The following MACROD2 variants were observed in gnomAD, a reference collection of about 807,000 sequenced individuals.
The protein encoded by MACROD2 is ADP-ribose glycohydrolase MACROD2.
In MACROD2, 36 loss-of-function variants were observed where a neutral mutation model predicts 70.4. That is an observed-to-expected ratio of 0.51 (90% CI 0.39 to 0.68). The LOEUF (loss-of-function observed/expected upper bound fraction) is 0.68, where lower values mean the gene tolerates loss of function less well. MACROD2 is among the 30% of genes least tolerant of loss of function. MACROD2 has a pLI of 0.00. For missense variants in MACROD2, 496 were observed against 538.4 expected, an observed-to-expected ratio of 0.92 and a Z score of 0.78; for synonymous variants, 172 against 178.8, an observed-to-expected ratio of 0.96 and a Z score of 0.30.
intron 5 of MACROD2, among the ~76,000 whole-genome samples, chr20:14,711,742 A>G (rs2071341547): frequency 6.6e-6 from 1 of 152,096 alleles, no homozygotes; most frequent in Non-Finnish European, 1.5e-5. Context: ...TTTCCAATTG[A>G]CTTATAGAAA....
At position 15,746,498 on chromosome 20, in the gene MACROD2, C is replaced by A. The variant is rs2327962; in HGVS notation, c.646-116247C>A. On this transcript the variant is annotated intron_variant, in intron 8 of 17. Transcript: ENST00000684519. ...TCTATTACCATTTAGTTTTACTTGC[C>A]TTATTGCACTTATTTCCAGTGAAAC... 4.4e-3 allele frequency among the ~76,000 whole-genome samples: 646 copies of A among 146,770 alleles called. 4 individuals carry two copies. Among genetic ancestry groups the A allele is most frequent in the Middle Eastern group, 0.011 (3 of 282 alleles).
intron 3 of MACROD2, among the ~76,000 whole-genome samples, chr20:14,464,338 T>A (rs1198794081): frequency 6.6e-6 from 1 of 152,172 alleles, no homozygotes; most frequent in Non-Finnish European, 1.5e-5. Flanking sequence ...ATTTGTAGTA[T>A]TCTCTGATTG....
Position 14,326,762 on chromosome 20 carries a change from G to T in MACROD2, c.272-166717G>T. 7 of 1,613,828 alleles carry T rather than the reference G, an allele frequency of 4.3e-6. No individual in the cohort carries two copies. The highest frequency in any genetic ancestry group is 5.9e-6 in the Non-Finnish European group (7 of 1,179,832). On this transcript the variant is annotated intron_variant, in intron 3 of 17. Transcript: ENST00000684519. The surrounding 1 kb of genome is among the most constrained non-coding windows in gnomAD (Gnocchi z 5.5). ...TTATCTTGAAGATAAAGCTTCCTCA[G>T]GTTTGTGCCTGGAAGGTTTACTGGT...
intron 3 of MACROD2, among the ~76,000 whole-genome samples, chr20:14,124,014 G>A (rs2054615728): frequency 1.3e-5 from 2 of 151,974 alleles, no homozygotes; most frequent in Non-Finnish European, 2.9e-5. Flanking sequence ...GAGATTTATG[G>A]TAGTATCAGT....
At chr20:15,933,630 G>C (rs1432371957) in intron 11 of MACROD2, among the ~76,000 whole-genome samples, 1 of 152,202 alleles carries the variant, frequency 6.6e-6, no homozygotes, top group Non-Finnish European at 1.5e-5. Context: ...CCAAGGCAGA[G>C]CTTGGCTGAG....
intron 3 of MACROD2, among the ~76,000 whole-genome samples, chr20:14,138,402 A>G (rs940703749): frequency 1.3e-5 from 2 of 152,168 alleles, no homozygotes; most frequent in Non-Finnish European, 1.5e-5. Flanking sequence ...TATGCTATTT[A>G]TATGCAGTGG....
chr20:15,128,329 G>T (rs1601110703), intron 5 of MACROD2, among the ~76,000 whole-genome samples: 1 of 152,068 alleles, frequency 6.6e-6, no homozygotes, highest in South Asian at 2.1e-4. Context: ...AGTAGAAAAT[G>T]TGTCCCTTCC....
intron 5 of MACROD2, among the ~76,000 whole-genome samples, chr20:14,864,843 C>G (rs1315882019): frequency 2.0e-5 from 3 of 152,020 alleles, no homozygotes; most frequent in African/African-American, 7.2e-5. Context: ...CTATCAGTGT[C>G]AATGTAAGTC....
intron 4 of MACROD2, among the ~76,000 whole-genome samples, chr20:14,516,070 C>CAAAT (rs886671248): frequency 2.7e-3 from 399 of 148,260 alleles, no homozygotes; most frequent in Admixed American, 6.2e-3. Flanking sequence ...CATTATCTCT[C>CAAAT]AAATAAATAA....
intron 3 of MACROD2, among the ~76,000 whole-genome samples, chr20:14,445,514 C>T (rs2084173686): frequency 6.6e-6 from 1 of 152,052 alleles, no homozygotes; most frequent in African/African-American, 2.4e-5. Context: ...CCCAATTCCC[C>T]ATTTTCCTGG....
rs190479307 is a variant in MACROD2 at position 15,426,636 on chromosome 20, C to T, written c.541-4769C>T. ...TTTTTTTTGTTTTTTGTTTTTGTCT[C>T]CCTAGAATTTCTGATGGCTGGGTGC... On this transcript the variant is annotated intron_variant, in intron 6 of 17. Coordinates refer to ENST00000684519, the MANE Select transcript of MACROD2 (RefSeq NM_001351661.2). 2.6e-4 allele frequency among the ~76,000 whole-genome samples: 39 copies of T among 150,934 alleles called. No homozygotes were observed. In the East Asian group the frequency reaches 5.6e-3, roughly 22 times the overall value.
intron 15 of MACROD2, among the ~76,000 whole-genome samples, chr20:16,038,772 C>T (rs1420050730): frequency 6.6e-6 from 1 of 151,928 alleles, no homozygotes; most frequent in Non-Finnish European, 1.5e-5. Context: ...GTAATTTTCG[C>T]ATTGAATTCT....
chr20:15,030,544 C>T (rs979533450), intron 5 of MACROD2, among the ~76,000 whole-genome samples: 8 of 152,162 alleles, frequency 5.3e-5, no homozygotes, highest in African/African-American at 1.7e-4. Context: ...CAGCTGCATA[C>T]TATTTTATTG....
At chr20:14,437,963 A>G (rs1052984731) in intron 3 of MACROD2, among the ~76,000 whole-genome samples, 2 of 152,182 alleles carry the variant, frequency 1.3e-5, no homozygotes, top group Non-Finnish European at 2.9e-5. Flanking sequence ...GAACAGCTAT[A>G]TCTACTCATT....
At chr20:14,918,012 G>T (rs2074113936) in intron 5 of MACROD2, among the ~76,000 whole-genome samples, 1 of 152,054 alleles carries the variant, frequency 6.6e-6, no homozygotes, top group Non-Finnish European at 1.5e-5. Context: ...TCGCTCTGTT[G>T]CCCAGGCTGG....
At chr20:16,036,883 A>G (rs1318452005) in intron 15 of MACROD2, among the ~76,000 whole-genome samples, 2 of 151,992 alleles carry the variant, frequency 1.3e-5, no homozygotes, top group African/African-American at 2.4e-5. Flanking sequence ...ATGTCCACAC[A>G]TACAGGAAAA....
intron 2 of MACROD2, among the ~76,000 whole-genome samples, chr20:14,049,857 G>C (rs1325103012): frequency 1.3e-5 from 2 of 151,116 alleles, no homozygotes; most frequent in Non-Finnish European, 3.0e-5. Context: ...GCCGAGGCAG[G>C]CAGATCACCT....
chr20:14,791,717 T>C (rs2072453268), intron 5 of MACROD2, among the ~76,000 whole-genome samples: 1 of 152,000 alleles, frequency 6.6e-6, no homozygotes, highest in South Asian at 2.1e-4. Context: ...TCTACTATAA[T>C]GAAGAAATTC....
intron 2 of MACROD2, among the ~76,000 whole-genome samples, chr20:14,062,273 T>C (rs916394454): frequency 2.0e-5 from 3 of 152,148 alleles, no homozygotes; most frequent in Non-Finnish European, 4.4e-5. Context: ...TGTTTGAGTG[T>C]TTACCATGTG....
Sources: allele counts gnomAD v4.1 joint callset (sites outside exome capture counted in the v4.1 genomes callset), GRCh38; gene constraint gnomAD v4.1.1; non-coding constraint Gnocchi (gnomAD v3.1); transcripts MANE v1.5; gene names NCBI Gene and HGNC (gene_info 2026-07-23, HGNC 2026-07-21).